FNDC3A: variants seen among roughly 807,000 people sequenced by gnomAD.
FNDC3A encodes the protein fibronectin type III domain containing 3A, also known as fibronectin type-III domain-containing protein 3A.
FNDC3A carries 32 observed loss-of-function variants against 148.9 expected under a neutral mutation model. The ratio of observed to expected loss-of-function variants is 0.21; its 90% CI spans 0.16 to 0.29. The LOEUF (loss-of-function observed/expected upper bound fraction) is 0.29. FNDC3A is among the 10% of genes least tolerant of loss of function. The pLI, the probability that FNDC3A is intolerant of heterozygous loss-of-function variation, is 1.00. For synonymous variants in FNDC3A, 472 were observed against 473.6 expected (o/e 1.00, Z 0.04); for missense variants, 1,191 against 1,452.8 (o/e 0.82, Z 2.93).
At chr13:49,174,870 A>T (rs993019560) in intron 12 of FNDC3A, among the ~76,000 whole-genome samples, 1 of 152,196 alleles carries the variant, frequency 6.6e-6, no homozygotes, top group Non-Finnish European at 1.5e-5. Flanking sequence ...AGTCAGGTGA[A>T]CTGTAAGAAC....
chr13:48,980,442 C>T (rs905124660), intron 1 of FNDC3A, among the ~76,000 whole-genome samples: 3 of 152,098 alleles, frequency 2.0e-5, no homozygotes, highest in African/African-American at 7.2e-5. Context: ...GAAAGAATCA[C>T]TCTGTTATGG....
intron 2 of FNDC3A, among the ~76,000 whole-genome samples, chr13:49,059,254 C>T (rs1387076047): frequency 6.6e-6 from 1 of 152,136 alleles, no homozygotes; most frequent in East Asian, 1.9e-4. Context: ...AAAGCTAAAA[C>T]TATAGAACTC....
intron 8 of FNDC3A, among the ~76,000 whole-genome samples, chr13:49,161,723 T>A (rs1286207161): frequency 6.6e-6 from 1 of 152,220 alleles, no homozygotes; most frequent in African/African-American, 2.4e-5. Context: ...CAATTTGGCA[T>A]GTTTTGCAGT....
At chr13:49,037,778 G>T (rs1874609096) in intron 2 of FNDC3A, among the ~76,000 whole-genome samples, 1 of 152,180 alleles carries the variant, frequency 6.6e-6, no homozygotes, top group South Asian at 2.1e-4. Flanking sequence ...TCGCAGATGG[G>T]CAGGTGCAGG....
chr13:49,152,502 A>G (rs1375178639), intron 8 of FNDC3A, among the ~76,000 whole-genome samples: 1 of 142,182 alleles, frequency 7.0e-6, no homozygotes, highest in Non-Finnish European at 1.6e-5. Flanking sequence ...GATTGCAAAA[A>G]AAATTGTTTG....
chr13:49,037,109 C>T (rs1395483623), intron 2 of FNDC3A, among the ~76,000 whole-genome samples: 1 of 152,128 alleles, frequency 6.6e-6, no homozygotes. Context: ...CTTTCATGTG[C>T]GTCCACTTGG....
intron 2 of FNDC3A, among the ~76,000 whole-genome samples, chr13:49,062,254 AGGTGAAGTTTACATG>A (rs1352060737): frequency 6.6e-6 from 1 of 152,228 alleles, no homozygotes; most frequent in African/African-American, 2.4e-5. Flanking sequence ...TGGTGAATGT[AGGTGAAGTTTACATG>A]GGTGCTAATT....
At chr13:49,134,320 G>T (rs942588471) in intron 5 of FNDC3A, among the ~76,000 whole-genome samples, 1 of 151,584 alleles carries the variant, frequency 6.6e-6, no homozygotes, top group Non-Finnish European at 1.5e-5. Flanking sequence ...TTTGTGTCTA[G>T]TTTTTTTTCA....
chr13:49,128,749 T>C (rs1427442232), intron 4 of FNDC3A, among the ~76,000 whole-genome samples: 14 of 152,224 alleles, frequency 9.2e-5, no homozygotes, highest in Admixed American at 9.2e-4. Context: ...TCCTTTATAC[T>C]CATGCAGTCA....
At chr13:49,196,116 T>C (rs1037027850) in intron 19 of FNDC3A, among the ~76,000 whole-genome samples, 4 of 147,386 alleles carry the variant, frequency 2.7e-5, no homozygotes, top group African/African-American at 1.0e-4. Flanking sequence ...GAAGTTGAGC[T>C]AGCTCTTAAA....
chr13:49,029,988 T>C lies in FNDC3A; in HGVS notation c.99+23699T>C, dbSNP rs532923414. The stretch of plus-strand genomic sequence containing the variant: ...CCACAAAGAAAAACTGTCACCAAGG[T>C]AAAGTCCAGACCCAGATGGCTTTTT... On this transcript the variant is annotated intron_variant, in intron 2 of 25. Coordinates refer to ENST00000492622, the MANE Select transcript of FNDC3A (RefSeq NM_001079673.2). 1.0e-3 allele frequency among the ~76,000 whole-genome samples: 152 copies of C among 152,332 alleles called. 1 individual carries two copies. Among genetic ancestry groups the C allele is most frequent in the African/African-American group, 3.5e-3 (145 of 41,580 alleles).
intron 3 of FNDC3A, among the ~76,000 whole-genome samples, chr13:49,089,191 A>G (rs1280164309): frequency 6.6e-6 from 1 of 152,198 alleles, no homozygotes; most frequent in Non-Finnish European, 1.5e-5. Flanking sequence ...GGCAAGTTTT[A>G]TCTGTATTTT....
intron 1 of FNDC3A, among the ~76,000 whole-genome samples, chr13:48,987,302 A>G (rs1044661462): frequency 6.6e-6 from 1 of 152,186 alleles, no homozygotes; most frequent in Non-Finnish European, 1.5e-5. Flanking sequence ...CTATGTGCAC[A>G]CTATCAGTCC....
intron 4 of FNDC3A, among the ~76,000 whole-genome samples, chr13:49,121,018 C>A (rs1165518146): frequency 1.3e-5 from 2 of 152,166 alleles, no homozygotes; most frequent in Admixed American, 1.3e-4. Context: ...ACAGAACTCT[C>A]CACCCCAAAT....
At chr13:49,194,457 A>T in intron 19 of FNDC3A, among the ~76,000 whole-genome samples, 1 of 152,260 alleles carries the variant, frequency 6.6e-6, no homozygotes, top group Admixed American at 6.5e-5. Context: ...TCTGCCTTGT[A>T]AACTTGCCAT....
At chr13:49,162,394 G>A (rs1326927713) in intron 8 of FNDC3A, among the ~76,000 whole-genome samples, 1 of 152,034 alleles carries the variant, frequency 6.6e-6, no homozygotes, top group African/African-American at 2.4e-5. Flanking sequence ...TCCACTTGAT[G>A]GAATCTGGTA....
chr13:49,095,349 A>T (rs1879454786), intron 3 of FNDC3A: 1 of 152,032 alleles, frequency 6.6e-6, no homozygotes, highest in Non-Finnish European at 1.5e-5. Context: ...ATAATATAGA[A>T]CTGGGTTAAA....
chr13:49,011,560 C>T (rs1003346523), intron 2 of FNDC3A, among the ~76,000 whole-genome samples: 4 of 152,078 alleles, frequency 2.6e-5, no homozygotes, highest in African/African-American at 9.7e-5. Flanking sequence ...GATGGACAGT[C>T]TTTAATTTTA....
At chr13:49,012,666 A>G (rs923143715) in intron 2 of FNDC3A, among the ~76,000 whole-genome samples, 66 of 152,264 alleles carry the variant, frequency 4.3e-4, no homozygotes, top group African/African-American at 1.5e-3. Context: ...GAATTTTTCA[A>G]TTGTTGAAGT....
Sources: allele counts gnomAD v4.1 joint callset (sites outside exome capture counted in the v4.1 genomes callset), GRCh38; gene constraint gnomAD v4.1.1; transcripts MANE v1.5; gene names NCBI Gene and HGNC (gene_info 2026-07-23, HGNC 2026-07-21).